ADAMTSL1: variants seen among roughly 807,000 people sequenced by gnomAD.
The protein encoded by ADAMTSL1 is ADAMTS-like protein 1.
In ADAMTSL1, 126 loss-of-function variants were observed where a neutral mutation model predicts 201.8. The observed-to-expected ratio is 0.62, with a 90% CI of 0.54 to 0.72. ADAMTSL1 has a LOEUF of 0.72. Ranked by LOEUF, ADAMTSL1 falls within the 30% of genes least tolerant of loss-of-function variation. The pLI is 0.00. For synonymous variants in ADAMTSL1, 1,121 were observed against 903.4 expected (o/e 1.24, Z -4.32); for missense variants, 2,679 against 2,277.8 (o/e 1.18, Z -3.59).
At chr9:18,872,681 G>A (rs548641874) in intron 23 of ADAMTSL1, among the ~76,000 whole-genome samples, 76 of 152,226 alleles carry the variant, frequency 5.0e-4, no homozygotes, top group South Asian at 4.6e-3. Context: ...GCCTTTTTAT[G>A]GATGAGTAGT....
chr9:18,100,104 T>C (rs996147943), intron 1 of ADAMTSL1, among the ~76,000 whole-genome samples: 7 of 152,222 alleles, frequency 4.6e-5, no homozygotes, highest in Admixed American at 4.6e-4. Flanking sequence ...TTCTTAATAT[T>C]GTTTAGCCTG....
intron 14 of ADAMTSL1, among the ~76,000 whole-genome samples, chr9:18,719,649 C>G (rs1833208540): frequency 6.6e-6 from 1 of 152,170 alleles, no homozygotes; most frequent in Non-Finnish European, 1.5e-5. Flanking sequence ...CAGGCATGAG[C>G]CACTGTGCCT....
chr9:18,774,859 T>G (rs955376379), intron 17 of ADAMTSL1, among the ~76,000 whole-genome samples: 18 of 152,210 alleles, frequency 1.2e-4, no homozygotes, highest in African/African-American at 4.3e-4. Flanking sequence ...ACACAAGTCT[T>G]TGTGTGGATG....
intron 23 of ADAMTSL1, among the ~76,000 whole-genome samples, chr9:18,868,312 A>AT (rs1243228767): frequency 6.6e-6 from 1 of 151,922 alleles, no homozygotes; most frequent in Admixed American, 6.5e-5. Flanking sequence ...CCATCGACTG[A>AT]TTTTTGTCCT....
chr9:18,721,793 CTT>C, intron 15 of ADAMTSL1, 128 bp downstream of exon 15: 1 of 1,386,678 alleles, frequency 7.2e-7, no homozygotes, highest in Non-Finnish European at 9.6e-7. Flanking sequence ...TCAGTTCAAA[CTT>C]TTAGTCAAAT....
intron 3 of ADAMTSL1, among the ~76,000 whole-genome samples, chr9:18,543,707 T>C (rs1226503219): frequency 6.6e-6 from 1 of 152,160 alleles, no homozygotes; most frequent in Non-Finnish European, 1.5e-5. Context: ...GAAATAAACA[T>C]TTTTTTAATG....
At chr9:18,199,781 A>T (rs559870971) in intron 2 of ADAMTSL1, among the ~76,000 whole-genome samples, 3 of 152,136 alleles carry the variant, frequency 2.0e-5, no homozygotes, top group Admixed American at 2.0e-4. Context: ...TGCAAGATTT[A>T]TAAAATTCTT....
rs1037492341 is a variant in ADAMTSL1, at chr9:18,163,004, A to G, written c.88-858A>G. Reference sequence around the variant, plus strand: ...GCAACATTGTTATCATTCCTGTTGTACAGTGAGTAAACTGAGGCATAGAGA... The same window carrying G: ...GCAACATTGTTATCATTCCTGTTGTGCAGTGAGTAAACTGAGGCATAGAGA... On this transcript the variant is annotated intron_variant, in intron 1 of 29. Transcript: ENST00000680146. Among the ~76,000 whole-genome samples, 3 of 152,016 alleles carry G rather than the reference A, an allele frequency of 2.0e-5. No homozygotes were observed. In the East Asian group the frequency reaches 5.8e-4, roughly 29 times the overall value.
In ADAMTSL1 at chr9:18,680,484, T is replaced by A. The variant is rs1185586514; in HGVS notation, c.1309T>A (p.Cys437Ser). 1.9e-6 allele frequency: 3 copies of A among 1,614,188 alleles called. No homozygotes were observed. The highest frequency in any genetic ancestry group is 2.5e-6 in the Non-Finnish European group (3 of 1,180,036). ...PIAQPCNIFD[C>S]PKWLAQEWSP... ...CGCGCAGCCCTGCAACATTTTTGACTGCCCTAAATGGCTGGCACAGGAGTG... is the reference window on the plus strand; with the variant it reads ...CGCGCAGCCCTGCAACATTTTTGACAGCCCTAAATGGCTGGCACAGGAGTG... The change falls in exon 11 of 29, where the codon TGC (cysteine) becomes AGC (serine). Residue 437 changes from cysteine to serine, a missense_variant. By Grantham distance (112) the Cys-to-Ser change is moderately radical (BLOSUM62 -1). Transcript: ENST00000380548.
chr9:18,761,058 A>C (rs1192856874), intron 16 of ADAMTSL1, among the ~76,000 whole-genome samples: 3 of 152,240 alleles, frequency 2.0e-5, no homozygotes, highest in African/African-American at 7.2e-5. Context: ...GTGGGTACTC[A>C]ATAAATGTTT....
chr9:18,900,771 T>C (rs1415341281), intron 26 of ADAMTSL1, among the ~76,000 whole-genome samples: 2 of 118,018 alleles, frequency 1.7e-5, no homozygotes, highest in East Asian at 2.9e-4. Flanking sequence ...CTGGGGCCTA[T>C]TGGCGGTGGG....
chr9:18,742,310 A>G (rs1307192026), intron 15 of ADAMTSL1, among the ~76,000 whole-genome samples: 1 of 152,250 alleles, frequency 6.6e-6, no homozygotes, highest in Non-Finnish European at 1.5e-5. Context: ...ATCAGTAAAT[A>G]GAGACATTTA....
rs575694367 is a variant in ADAMTSL1 at position 18,291,703 on chromosome 9, T to C, written c.207+127722T>C. Among the ~76,000 whole-genome samples the C allele has an allele frequency of 3.7e-5, 5 of 136,228 alleles. No homozygotes were observed. In the South Asian group the frequency reaches 1.1e-3, roughly 31 times the overall value. The allele number at this position is 136,228 out of a possible 152,430, so 89.4% of individuals were successfully genotyped here. ...CTCTCTCGGGTGCGCACATGCTCTC[T>C]CTCTCTCTCTCTTTCTCTCTCTCTC... On this transcript the variant is annotated intron_variant, in intron 2 of 29. Coordinates refer to the ADAMTSL1 transcript ENST00000680146.
intron 1 of ADAMTSL1, among the ~76,000 whole-genome samples, chr9:18,055,937 A>T (rs970083228): frequency 3.3e-5 from 5 of 152,232 alleles, no homozygotes; most frequent in African/African-American, 1.2e-4. Context: ...GAGTTTAAAA[A>T]TACGCTCATT....
chr9:18,023,647 C>T (rs78854002), intron 1 of ADAMTSL1, among the ~76,000 whole-genome samples: 1 of 152,124 alleles, frequency 6.6e-6, no homozygotes, highest in African/African-American at 2.4e-5. Flanking sequence ...AATATTATAA[C>T]ATTTCCCCAG....
intron 7 of ADAMTSL1, among the ~76,000 whole-genome samples, chr9:18,640,558 GT>G (rs1283697903): frequency 6.6e-6 from 1 of 152,016 alleles, no homozygotes; most frequent in African/African-American, 2.4e-5. Context: ...CATCTATCCA[GT>G]TGCCTTCTGC....
At chr9:17,962,613 G>A (rs1039692490) in intron 1 of ADAMTSL1, among the ~76,000 whole-genome samples, 3 of 152,300 alleles carry the variant, frequency 2.0e-5, no homozygotes, top group South Asian at 2.1e-4. Context: ...TGGAACCAGT[G>A]TGCTTCAAGT....
intron 2 of ADAMTSL1, among the ~76,000 whole-genome samples, chr9:18,436,067 G>A (rs1819717577): frequency 6.6e-6 from 1 of 152,164 alleles, no homozygotes; most frequent in Non-Finnish European, 1.5e-5. Flanking sequence ...GGCAGGCCAG[G>A]GAAACAGCAA....
intron 1 of ADAMTSL1, among the ~76,000 whole-genome samples, chr9:18,161,131 C>A (rs1046748875): frequency 6.6e-6 from 1 of 151,946 alleles, no homozygotes; most frequent in Non-Finnish European, 1.5e-5. Flanking sequence ...GGCAGACATT[C>A]TTTCTTAAAC....
Sources: gnomAD v4.1 joint callset for allele counts (sites outside exome capture counted in the v4.1 genomes callset) on GRCh38, gnomAD v4.1.1 for gene constraint, MANE v1.5 for transcripts, NCBI Gene and HGNC (gene_info 2026-07-23, HGNC 2026-07-21) for gene names.